XYLB: variants seen among roughly 807,000 people sequenced by gnomAD.
XYLB encodes xylulokinase.
XYLB carries 62 observed loss-of-function variants against 78.7 expected under a neutral mutation model. That is an observed-to-expected ratio of 0.79 (90% CI 0.64 to 0.97). The LOEUF is 0.97. Ranked by LOEUF, XYLB falls within the 50% of genes least tolerant of loss-of-function variation. XYLB has a pLI of 0.00. For missense variants in XYLB, 687 were observed against 676.8 expected (o/e 1.02, Z -0.17); for synonymous variants, 245 against 247.4 (o/e 0.99, Z 0.09).
At position 38,365,600 on chromosome 3, in the gene XYLB, C is replaced by T. The variant is rs776566731; in HGVS notation, c.379-8C>T. The T allele has an allele frequency of 1.2e-6, 2 of 1,605,442 alleles. No homozygotes were observed. The highest frequency in any genetic ancestry group is 1.3e-5 in the African/African-American group (1 of 74,790). On this transcript the variant is annotated splice_region_variant and splice_polypyrimidine_tract_variant and intron_variant, in intron 5 of 18. Coordinates refer to ENST00000207870, the MANE Select transcript of XYLB (RefSeq NM_005108.4). ...AGCTTAAGCCTGTGCCTTTGCCCTC[C>T]TTCCCAGGACTGTTTCTCCATCAGC... is the stretch of plus-strand genomic sequence containing the variant.
At chr3:38,386,190 C>A (rs1316452348) in intron 15 of XYLB, among the ~76,000 whole-genome samples, 1 of 152,160 alleles carries the variant, frequency 6.6e-6, no homozygotes, top group African/African-American at 2.4e-5. Context: ...ATGCAAGCCC[C>A]ATTTTGGCTT....
At chr3:38,438,784 C>T in the XYLB span, among the ~76,000 whole-genome samples, 33 of 152,258 alleles carry the variant, frequency 2.2e-4, no homozygotes, top group African/African-American at 7.7e-4. Context: ...CTTATTTGTC[C>T]CTGCCCCTGT....
rs758164351 is a variant in XYLB at position 38,401,055 on chromosome 3, A to T, written c.1533+70A>T. The T allele has an allele frequency of 5.1e-6, 7 of 1,362,412 alleles. No homozygotes were observed. In the African/African-American group the frequency reaches 5.7e-5, roughly 11 times the overall value. 84.4% of individuals were successfully genotyped at this position (1,362,412 alleles called of 1,614,324 possible). A position where few individuals can be genotyped will look rare whatever the true frequency, so the allele number is the denominator to read the frequency against. On this transcript the variant is annotated intron_variant, in intron 18 of 18. Transcript: ENST00000207870. ...GCCCGCTAGGGTTTTTTCCCCCACC[A>T]AAAGGTCACCTACATTGAACGTGAT...
intron 2 of XYLB, among the ~76,000 whole-genome samples, chr3:38,349,423 G>T (rs919534071): frequency 3.3e-5 from 5 of 152,230 alleles, no homozygotes; most frequent in South Asian, 2.1e-4. Context: ...CTCTCTGGGG[G>T]CATTGGGAGA....
exon 18 of XYLB, among the ~76,000 whole-genome samples, chr3:38,420,600 G>A (rs1239470620): frequency 6.6e-6 from 1 of 152,172 alleles, no homozygotes; most frequent in African/African-American, 2.4e-5. Flanking sequence ...AACCATCTTA[G>A]TTAGATGTTT....
chr3:38,399,062 A>T (rs918231201), intron 17 of XYLB, among the ~76,000 whole-genome samples: 1 of 152,028 alleles, frequency 6.6e-6, no homozygotes, highest in African/African-American at 2.4e-5. Flanking sequence ...AAACAAAAAA[A>T]AACAAACTTC....
At chr3:38,449,400 C>T in the XYLB span, among the ~76,000 whole-genome samples, 8 of 151,992 alleles carry the variant, frequency 5.3e-5, no homozygotes, top group East Asian at 5.8e-4. Flanking sequence ...AGATTACAGG[C>T]GTGAGCCACC....
the XYLB span, among the ~76,000 whole-genome samples, chr3:38,434,154 A>G: frequency 6.6e-6 from 1 of 152,148 alleles, no homozygotes; most frequent in East Asian, 1.9e-4. Context: ...AACCATCTCC[A>G]TGTTTCAATA....
intron 11 of XYLB, 102 bp from the exon 12 acceptor site, chr3:38,375,042 G>A: frequency 1.1e-6 from 1 of 901,494 alleles, no homozygotes; most frequent in Non-Finnish European, 1.7e-6. Context: ...CAGCATGAGT[G>A]AAGTGACAGG....
downstream of XYLB, among the ~76,000 whole-genome samples, chr3:38,418,996 C>G (rs1017190041): frequency 6.6e-5 from 10 of 152,080 alleles, no homozygotes; most frequent in African/African-American, 2.4e-4. Flanking sequence ...CACACATTTC[C>G]AAAACCTTTT....
chr3:38,353,768 T>C (rs1705493146), intron 2 of XYLB, among the ~76,000 whole-genome samples: 2 of 151,718 alleles, frequency 1.3e-5, no homozygotes, highest in Admixed American at 6.6e-5. Flanking sequence ...GTGCCTGTAG[T>C]CTCAGCTACT....
chr3:38,379,458 G>A (rs1707039407), intron 15 of XYLB, 116 bp downstream of exon 15: 3 of 977,566 alleles, frequency 3.1e-6, no homozygotes, highest in South Asian at 2.9e-5. Flanking sequence ...GGGGACTTGT[G>A]CAGGAGGGAG....
intron 13 of XYLB, 152 bp from the exon 14 acceptor site, chr3:38,376,766 G>A (rs1706877222): frequency 1.3e-5 from 8 of 619,842 alleles, no homozygotes; most frequent in South Asian, 1.3e-4. Context: ...TGGAGAGAAG[G>A]AACTGAGAAT....
chr3:38,401,045 T>A (rs753884062), intron 18 of XYLB, 60 bp downstream of exon 18: 2 of 1,487,462 alleles, frequency 1.3e-6, no homozygotes, highest in South Asian at 2.3e-5. Context: ...CTAGGGTTTT[T>A]TCCCCCACCA....
At chr3:38,440,914 C>T in the XYLB span, among the ~76,000 whole-genome samples, 1 of 151,500 alleles carries the variant, frequency 6.6e-6, no homozygotes, top group South Asian at 2.1e-4. Flanking sequence ...GTCTCTTCCC[C>T]TCCCTCTTTC....
At chr3:38,357,236 C>T (rs562228627) in intron 2 of XYLB, 1 of 152,322 alleles carries the variant, frequency 6.6e-6, no homozygotes, top group Non-Finnish European at 1.5e-5. Context: ...CATATATTTT[C>T]ATTTCTATTG....
At chr3:38,385,003 T>A (rs1250455156) in intron 15 of XYLB, among the ~76,000 whole-genome samples, 1 of 152,122 alleles carries the variant, frequency 6.6e-6, no homozygotes, top group Non-Finnish European at 1.5e-5. Context: ...TTTGTTTTTG[T>A]TTTTGTTCTT....
At chr3:38,426,184 A>G (rs1709096467), downstream of XYLB, among the ~76,000 whole-genome samples, 1 of 152,234 alleles carries the variant, frequency 6.6e-6, no homozygotes, top group Non-Finnish European at 1.5e-5. Context: ...TAATTGGCAG[A>G]AAAATTCTAC....
the XYLB span, among the ~76,000 whole-genome samples, chr3:38,435,077 A>G: frequency 6.6e-6 from 1 of 151,716 alleles, no homozygotes; most frequent in African/African-American, 2.4e-5. Flanking sequence ...CAGAGATTGC[A>G]GTGAGCCGAG....
Sources: gnomAD v4.1 joint callset for allele counts (sites outside exome capture counted in the v4.1 genomes callset) on GRCh38, gnomAD v4.1.1 for gene constraint, MANE v1.5 for transcripts, NCBI Gene and HGNC (gene_info 2026-07-23, HGNC 2026-07-21) for gene names.